Variants in STIM1 observed in about 807,000 individuals in gnomAD.
The protein encoded by STIM1 is stromal interaction molecule 1.
In STIM1, 25 loss-of-function variants were observed where a neutral mutation model predicts 74.7. The ratio of observed to expected loss-of-function variants is 0.33; its 90% CI spans 0.24 to 0.47. The LOEUF is 0.47. Among genes scored for constraint, STIM1 ranks in the 20% least tolerant of loss-of-function variants. The pLI, the probability that STIM1 is intolerant of heterozygous loss-of-function variation, is 1.00. For synonymous variants in STIM1, 328 were observed against 348.8 expected (o/e 0.94, Z 0.66); for missense variants, 728 against 920.8 (o/e 0.79, Z 2.71).
At chr11:4,086,936 C>G in intron 12 of STIM1, 4 of 1,481,624 alleles carry the variant, frequency 2.7e-6, no homozygotes, top group Non-Finnish European at 3.6e-6. Flanking sequence ...TGCCTGCCAG[C>G]TGCTGCTTGA....
intron 1 of STIM1, among the ~76,000 whole-genome samples, chr11:3,899,445 A>G (rs1166932314): frequency 4.6e-5 from 7 of 152,128 alleles, no homozygotes; most frequent in African/African-American, 1.7e-4. Context: ...CTAGATATAC[A>G]ATCATGTCAT....
At chr11:4,056,699 C>A (rs1029158622) in intron 4 of STIM1, among the ~76,000 whole-genome samples, 1 of 152,228 alleles carries the variant, frequency 6.6e-6, no homozygotes, top group Non-Finnish European at 1.5e-5. Context: ...CTGCTGCCTG[C>A]AGCCTCTTCT....
intron 2 of STIM1, among the ~76,000 whole-genome samples, chr11:4,022,273 T>C (rs2093961827): frequency 6.8e-6 from 1 of 147,626 alleles, no homozygotes; most frequent in Admixed American, 7.0e-5. Flanking sequence ...GAGGTGGAGG[T>C]TGCAGTCAGC....
In STIM1 at chr11:3,881,382, T is replaced by C. The variant is rs371396005; in HGVS notation, c.139+24973T>C. Reference sequence around the variant, plus strand: ...ATGATTATTTTATTTTATTTATTTATTTTTTCAAGATGGAGTCTCTCTCTG... The same window carrying C: ...ATGATTATTTTATTTTATTTATTTACTTTTTCAAGATGGAGTCTCTCTCTG... On this transcript the variant is annotated intron_variant, in intron 1 of 12. Coordinates refer to ENST00000526596, the MANE Select transcript of STIM1 (RefSeq NM_001382567.1). Among the ~76,000 whole-genome samples the C allele has an allele frequency of 1.1e-4, 17 of 152,292 alleles. No individual in the cohort carries two copies. In the South Asian group the frequency reaches 1.7e-3, roughly 15 times the overall value.
chr11:3,873,366 C>T (rs886748406), intron 1 of STIM1, among the ~76,000 whole-genome samples: 4 of 147,040 alleles, frequency 2.7e-5, no homozygotes, highest in Non-Finnish European at 5.9e-5. Context: ...TGCAGTGAGC[C>T]GAGATTGCGC....
chr11:3,919,433 G>T (rs1231694633), intron 1 of STIM1, among the ~76,000 whole-genome samples: 2 of 152,100 alleles, frequency 1.3e-5, no homozygotes, highest in Non-Finnish European at 2.9e-5. Flanking sequence ...TCGAACTCCT[G>T]ACCTCAGGTG....
intron 3 of STIM1, among the ~76,000 whole-genome samples, chr11:4,029,440 T>C (rs112673271): frequency 6.6e-6 from 1 of 152,014 alleles, no homozygotes; most frequent in Admixed American, 6.6e-5. Flanking sequence ...TTTCTCCATG[T>C]CTGCACGGGC....
rs189576045 is a variant in STIM1, at chr11:4,056,755, G to A, written c.497+1118G>A. On this transcript the variant is annotated intron_variant, in intron 4 of 12. Coordinates refer to ENST00000526596, the MANE Select transcript of STIM1 (RefSeq NM_001382567.1). ...GGAGAGAGTAATAATCTTAATGTTT[G>A]TACCTCCCTTTATAGAGTGCTTTCC... Among the ~76,000 whole-genome samples the A allele has an allele frequency of 7.3e-4, 111 of 152,300 alleles. 1 individual carries two copies. The highest frequency in any genetic ancestry group is 2.6e-3 in the African/African-American group (109 of 41,572).
At chr11:4,034,479 C>T (rs1332480392) in intron 3 of STIM1, among the ~76,000 whole-genome samples, 1 of 152,028 alleles carries the variant, frequency 6.6e-6, no homozygotes, top group African/African-American at 2.4e-5. Flanking sequence ...TGGGATAAAT[C>T]CCCTTGGTCA....
intron 1 of STIM1, among the ~76,000 whole-genome samples, chr11:3,932,075 C>G (rs1465547453): frequency 6.6e-6 from 1 of 152,144 alleles, no homozygotes; most frequent in Non-Finnish European, 1.5e-5. Flanking sequence ...CCTGCTGCGA[C>G]TGGACTGTAT....
intron 2 of STIM1, among the ~76,000 whole-genome samples, chr11:4,005,175 C>T (rs1457858614): frequency 4.6e-5 from 7 of 152,116 alleles, no homozygotes; most frequent in African/African-American, 7.2e-5. Context: ...GTCAGTGTGG[C>T]GACTCCTCAG....
At chr11:3,890,267 T>C (rs1385623567) in intron 1 of STIM1, among the ~76,000 whole-genome samples, 1 of 152,226 alleles carries the variant, frequency 6.6e-6, no homozygotes, top group Non-Finnish European at 1.5e-5. Flanking sequence ...AGTGGTGATC[T>C]CTGGAGGTTC....
chr11:3,911,533 T>C (rs894310015), intron 1 of STIM1, among the ~76,000 whole-genome samples: 4 of 152,074 alleles, frequency 2.6e-5, no homozygotes, highest in Admixed American at 2.0e-4. Context: ...TACAGGCATA[T>C]ACCACCATGC....
intron 1 of STIM1, among the ~76,000 whole-genome samples, chr11:3,952,355 A>G (rs900325752): frequency 6.6e-6 from 1 of 152,160 alleles, no homozygotes; most frequent in Non-Finnish European, 1.5e-5. Flanking sequence ...TGATCTTGCC[A>G]CTGCAGTCCA....
chr11:3,995,515 C>T (rs1221604467), intron 2 of STIM1, among the ~76,000 whole-genome samples: 1 of 152,206 alleles, frequency 6.6e-6, no homozygotes, highest in Non-Finnish European at 1.5e-5. Flanking sequence ...TTTAGGTTCA[C>T]TAATTGCCAT....
At chr11:4,083,164 C>T in intron 9 of STIM1, 99 bp from the exon 10 acceptor site, 1 of 1,340,878 alleles carries the variant, frequency 7.5e-7, no homozygotes. Flanking sequence ...GTGTTTTATT[C>T]ACACATATTC....
At chr11:4,063,528 C>T (rs552181394) in intron 5 of STIM1, among the ~76,000 whole-genome samples, 1 of 152,294 alleles carries the variant, frequency 6.6e-6, no homozygotes, top group South Asian at 2.1e-4. Context: ...TGCTATTATA[C>T]ACTTAATAGA....
chr11:4,035,081 T>C (rs1268033213), intron 3 of STIM1, among the ~76,000 whole-genome samples: 1 of 152,160 alleles, frequency 6.6e-6, no homozygotes, highest in Non-Finnish European at 1.5e-5. Flanking sequence ...ATTTCCACTT[T>C]GATCTGTATT....
chr11:4,088,474 G>A, intron 12 of STIM1: 2 of 503,730 alleles, frequency 4.0e-6, no homozygotes, highest in East Asian at 3.7e-5. Context: ...TTACTCAGCA[G>A]AGCCACTCAT....
Sources: allele counts gnomAD v4.1 joint callset (sites outside exome capture counted in the v4.1 genomes callset), GRCh38; gene constraint gnomAD v4.1.1; transcripts MANE v1.5; gene names NCBI Gene and HGNC (gene_info 2026-07-23, HGNC 2026-07-21).